Variants in GAD2 observed in about 807,000 individuals in gnomAD.
The protein encoded by GAD2 is glutamate decarboxylase 2.
Under a neutral mutation model 80.1 loss-of-function variants are expected in GAD2, and 22 were observed. The observed-to-expected ratio is 0.27, with a 90% CI of 0.20 to 0.39. The LOEUF (loss-of-function observed/expected upper bound fraction) is 0.39, where lower values mean the gene tolerates loss of function less well. GAD2 is among the 10% of genes least tolerant of loss of function. The pLI is 1.00. For missense variants in GAD2, 624 were observed against 738.4 expected, an observed-to-expected ratio of 0.85 and a Z score of 1.80; for synonymous variants, 274 against 256.9, an observed-to-expected ratio of 1.07 and a Z score of -0.64.
chr10:26,269,187 G>T lies in GAD2; in HGVS notation c.975+14G>T, dbSNP rs374612842. On this transcript the variant is annotated intron_variant, in intron 9 of 15. Coordinates refer to ENST00000376261, the MANE Select transcript of GAD2 (RefSeq NM_001134366.2). ...GCCAAACAGAAAGTAAGTTTCTGCCGGGAGCTTTATCCAGCCCATATTTCT... is the reference window on the plus strand; with the variant it reads ...GCCAAACAGAAAGTAAGTTTCTGCCTGGAGCTTTATCCAGCCCATATTTCT... The T allele has an allele frequency of 3.2e-6, 5 of 1,585,572 alleles. No individual in the cohort carries two copies. The highest frequency in any genetic ancestry group is 4.3e-6 in the Non-Finnish European group (5 of 1,163,478).
intron 13 of GAD2, 27 bp from the exon 14 acceptor site, chr10:26,292,438 A>C (rs545720187): frequency 6.4e-7 from 1 of 1,555,326 alleles, no homozygotes; most frequent in South Asian, 1.1e-5. Context: ...TAGCCTGCTT[A>C]ATGAGCTGTG....
Position 26,217,666 on chromosome 10 carries a change from T to A in GAD2, c.133T>A (p.Cys45Ser). 1 of 1,613,454 alleles carries A rather than the reference T, an allele frequency of 6.2e-7. No homozygotes were observed. The highest frequency in any genetic ancestry group is 1.1e-5 in the South Asian group (1 of 90,916). ...CACGGGCGGCATCGGAAACAAACTG[T>A]GCGGTGAGTGCCCAGGGACCGGGGC... is the stretch of plus-strand genomic sequence containing the variant. ...KFTGGIGNKL[C>S]ALLYGDAEKP... The change falls in exon 2 of 16, where the codon TGC (cysteine) becomes AGC (serine). Residue 45 changes from cysteine (C) to serine (S), a missense_variant. By Grantham distance (112) the Cys-to-Ser change is moderately radical (BLOSUM62 -1). Coordinates refer to ENST00000376261, the MANE Select transcript of GAD2 (RefSeq NM_001134366.2). This position sits in a 1 kb window ranked among gnomAD's most constrained non-coding sequence, Gnocchi z 4.9.
intron 6 of GAD2, among the ~76,000 whole-genome samples, chr10:26,227,406 G>A (rs937333237): frequency 1.7e-4 from 26 of 152,334 alleles, no homozygotes; most frequent in African/African-American, 6.3e-4. Context: ...GAGCTGCTGA[G>A]CCTTTAGCCA....
rs756589488 is a variant in GAD2, at chr10:26,217,785, G to A, written c.137-57G>A. The A allele has an allele frequency of 1.6e-4, 245 of 1,579,476 alleles. 1 individual carries two copies. Among genetic ancestry groups the A allele is most frequent in the South Asian group, 5.0e-4 (44 of 88,110 alleles). The stretch of plus-strand genomic sequence containing the variant: ...TTCCTGGCTGCGGGTAGGCGGGAGC[G>A]AGGGAGCCGGGCCCGGCGGAGGATT... On this transcript the variant is annotated intron_variant, in intron 2 of 15. Transcript: ENST00000376261. The surrounding 1 kb of genome is among the most constrained non-coding windows in gnomAD (Gnocchi z 4.9).
chr10:26,295,091 T>C (rs1271491414), intron 15 of GAD2, among the ~76,000 whole-genome samples: 2 of 152,148 alleles, frequency 1.3e-5, no homozygotes, highest in Non-Finnish European at 2.9e-5. Context: ...ACTTTTTTTT[T>C]TCATCATTTT....
At chr10:26,274,921 C>T (rs1000789843) in intron 11 of GAD2, among the ~76,000 whole-genome samples, 23 of 152,190 alleles carry the variant, frequency 1.5e-4, no homozygotes, top group African/African-American at 5.1e-4. Context: ...CTGAGCACAG[C>T]GGTGTTAAGG....
At chr10:26,294,306 T>C (rs1399256734) in intron 15 of GAD2, among the ~76,000 whole-genome samples, 1 of 152,198 alleles carries the variant, frequency 6.6e-6, no homozygotes, top group Admixed American at 6.5e-5. Flanking sequence ...AAGAAGAGGA[T>C]TTTGTGTAGA....
At chr10:26,248,763 T>A (rs1156363290) in intron 8 of GAD2, among the ~76,000 whole-genome samples, 2 of 152,188 alleles carry the variant, frequency 1.3e-5, no homozygotes, top group African/African-American at 4.8e-5. Flanking sequence ...CTTTTTATAT[T>A]GCCTGATTTT....
At chr10:26,230,035 C>A (rs909885439) in intron 7 of GAD2, among the ~76,000 whole-genome samples, 2 of 149,676 alleles carry the variant, frequency 1.3e-5, no homozygotes, top group African/African-American at 5.0e-5. Flanking sequence ...AAAAAATTAG[C>A]CAGATGTGGT....
At chr10:26,295,529 C>CAT (rs1298538113) in intron 15 of GAD2, among the ~76,000 whole-genome samples, 8 of 151,782 alleles carry the variant, frequency 5.3e-5, no homozygotes, top group Admixed American at 5.3e-4. Context: ...CACACACACA[C>CAT]ACACACACAC....
Position 26,273,686 on chromosome 10 carries a change from G to A in GAD2, c.1143G>A (p.Leu381=), listed in dbSNP as rs749453512. ...LLMSRKHKWK[L]SGVERANSVT... ...TGTCCCGAAAACACAAGTGGAAACT[G>A]AGTGGCGTGGAGAGGTATGTTGCAT... The change falls in exon 11 of 16, where the codon CTG becomes CTA. Residue 381 remains leucine, a synonymous_variant. Transcript: ENST00000376261. 1.1e-5 allele frequency: 18 copies of A among 1,613,650 alleles called. No individual in the cohort carries two copies. The highest frequency in any genetic ancestry group is 1.5e-5 in the Non-Finnish European group (18 of 1,179,834).
intron 8 of GAD2, among the ~76,000 whole-genome samples, chr10:26,262,129 T>G (rs1845015977): frequency 6.6e-6 from 1 of 151,558 alleles, no homozygotes; most frequent in Non-Finnish European, 1.5e-5. Flanking sequence ...ATTCTGCAGC[T>G]TTCCATTGTC....
chr10:26,300,863 G>A lies in GAD2; in HGVS notation c.1660G>A (p.Val554Ile). ...MVSYQPLGDK[V>I]NFFRMVISNP... ...CAGCTACCAACCCTTGGGAGACAAG[G>A]TCAATTTCTTCCGCATGGTCATCTC... The change falls in exon 16 of 16, where the codon GTC (valine) becomes ATC (isoleucine). Residue 554 changes from valine to isoleucine, a missense_variant. Transcript: ENST00000376261. 6.2e-7 allele frequency: 1 copy of A among 1,613,870 alleles called. No homozygotes were observed. Among genetic ancestry groups the A allele is most frequent in the Non-Finnish European group, 8.5e-7 (1 of 1,179,860 alleles).
Position 26,223,887 on chromosome 10 carries a change from G to A in GAD2, c.521G>A (p.Gly174Glu), listed in dbSNP as rs984510156. ...QTTLKYAIKT[G>E]HPRYFNQLST... ...GATTCTGGTATTCCATTTTATTCAG[G>A]GCATCCTAGATACTTCAATCAACTT... The change falls in exon 5 of 16, where the codon GGG becomes GAG. Residue 174 changes from glycine to glutamate, a missense_variant and splice_region_variant. Transcript: ENST00000376261. 1 of 1,585,848 alleles carries A rather than the reference G, an allele frequency of 6.3e-7. No individual in the cohort carries two copies. The highest frequency in any genetic ancestry group is 8.6e-7 in the Non-Finnish European group (1 of 1,163,996).
chr10:26,218,191 G>A, intron 3 of GAD2, 200 bp downstream of exon 3: 1 of 518,740 alleles, frequency 1.9e-6, no homozygotes, highest in Non-Finnish European at 3.3e-6. Context: ...TGGCCTCGGA[G>A]CTCCAAGAGG....
chr10:26,279,557 A>T (rs961940828), intron 11 of GAD2, among the ~76,000 whole-genome samples: 1 of 152,260 alleles, frequency 6.6e-6, no homozygotes, highest in Admixed American at 6.5e-5. Flanking sequence ...GGCCATAAAC[A>T]GAGATAGAAA....
intron 9 of GAD2, 92 bp from the exon 10 acceptor site, chr10:26,270,548 G>A: frequency 2.2e-6 from 2 of 919,132 alleles, no homozygotes; most frequent in Non-Finnish European, 3.6e-6. Flanking sequence ...AGACGTGTCT[G>A]TTAGGGAGAG....
At chr10:26,268,323 C>T (rs1845095154) in intron 8 of GAD2, among the ~76,000 whole-genome samples, 1 of 152,106 alleles carries the variant, frequency 6.6e-6, no homozygotes, top group African/African-American at 2.4e-5. Flanking sequence ...AAAAAATTAG[C>T]CAGGCATGGT....
chr10:26,278,551 G>C (rs978742015), intron 11 of GAD2, among the ~76,000 whole-genome samples: 1 of 152,148 alleles, frequency 6.6e-6, no homozygotes, highest in Non-Finnish European at 1.5e-5. Flanking sequence ...GCTCCTGAGG[G>C]CTTCCCCCTT....
Sources: gnomAD v4.1 joint callset for allele counts (sites outside exome capture counted in the v4.1 genomes callset) on GRCh38, gnomAD v4.1.1 for gene constraint, Gnocchi (gnomAD v3.1) non-coding constraint, MANE v1.5 for transcripts, NCBI Gene and HGNC (gene_info 2026-07-23, HGNC 2026-07-21) for gene names.